Variants in MED23 observed in about 807,000 individuals in gnomAD.
MED23 encodes mediator complex subunit 23, also known as mediator of RNA polymerase II transcription subunit 23.
MED23 carries 105 observed loss-of-function variants against 163.9 expected under a neutral mutation model. The observed-to-expected ratio is 0.64, with a 90% CI of 0.55 to 0.75. The LOEUF is 0.75. MED23 is among the 30% of genes least tolerant of loss of function. MED23 has a pLI of 0.00. For synonymous variants in MED23, 561 were observed against 565.6 expected, an observed-to-expected ratio of 0.99 and a Z score of 0.12; for missense variants, 1,054 against 1,649.0, an observed-to-expected ratio of 0.64 and a Z score of 6.25.
chr6:131,610,871 T>G (rs978624165), intron 10 of MED23, among the ~76,000 whole-genome samples: 9 of 152,184 alleles, frequency 5.9e-5, no homozygotes, highest in Non-Finnish European at 8.8e-5. Flanking sequence ...TCTTCCTTCT[T>G]GGAAGCCAAA....
At chr6:131,600,232 G>A (rs973906308) in intron 17 of MED23, 70 bp from the exon 18 acceptor site, 59 of 1,415,446 alleles carry the variant, frequency 4.2e-5, no homozygotes, top group Middle Eastern at 2.1e-4. Context: ...AGATTATAGC[G>A]AAAATAATAA....
At chr6:131,605,531 C>T in intron 13 of MED23, 46 bp from the exon 14 acceptor site, 1 of 1,480,580 alleles carries the variant, frequency 6.8e-7, no homozygotes, top group Non-Finnish European at 9.0e-7. Flanking sequence ...AAATAACTTC[C>T]ATAATGTTAA....
intron 3 of MED23, chr6:131,627,135 A>T: frequency 2.4e-6 from 1 of 413,020 alleles, no homozygotes; most frequent in African/African-American, 2.1e-5. Flanking sequence ...AAATGATCTC[A>T]ATTAATCTAA....
At chr6:131,589,406 A>G (rs1472994498) in intron 28 of MED23, 59 bp downstream of exon 28, 9 of 1,490,090 alleles carry the variant, frequency 6.0e-6, no homozygotes, top group East Asian at 4.9e-5. Context: ...GTCTATTACT[A>G]TATGTTCAAG....
chr6:131,599,177 C>T (rs1005233299), intron 18 of MED23, among the ~76,000 whole-genome samples: 1 of 152,214 alleles, frequency 6.6e-6, no homozygotes, highest in East Asian at 1.9e-4. Context: ...CTGGGTCTTA[C>T]AAGAAATGCA....
chr6:131,586,213 T>C (rs1774170799), downstream of MED23, among the ~76,000 whole-genome samples: 2 of 151,982 alleles, frequency 1.3e-5, no homozygotes, highest in Non-Finnish European at 2.9e-5. Flanking sequence ...GCTAACACAG[T>C]GAAACCCCGT....
chr6:131,585,941 T>C (rs1774160446), downstream of MED23, among the ~76,000 whole-genome samples: 2 of 152,246 alleles, frequency 1.3e-5, no homozygotes, highest in African/African-American at 4.8e-5. Context: ...TATATTGATT[T>C]TCATTTCCTC....
downstream of MED23, among the ~76,000 whole-genome samples, chr6:131,586,372 C>G (rs1254755136): frequency 1.3e-5 from 2 of 151,190 alleles, no homozygotes; most frequent in Non-Finnish European, 2.9e-5. Flanking sequence ...TGCACTCCAG[C>G]CTGGGTGACA....
chr6:131,622,572 G>A (rs150782412), intron 5 of MED23, among the ~76,000 whole-genome samples: 25 of 152,224 alleles, frequency 1.6e-4, no homozygotes, highest in African/African-American at 5.5e-4. Flanking sequence ...TATGAACTAC[G>A]TAACCAAGCT....
chr6:131,627,329 G>GAAAAAAAAAAA (rs60163644), intron 3 of MED23, 67 bp downstream of exon 3: 10 of 875,032 alleles, frequency 1.1e-5, no homozygotes, highest in African/African-American at 5.9e-5. Context: ...AATGTTAAAA[G>GAAAAAAAAAAA]AAAAAAAAAA....
At chr6:131,618,593 T>C (rs1172865746) in intron 8 of MED23, 74 bp from the exon 9 acceptor site, 2 of 960,226 alleles carry the variant, frequency 2.1e-6, no homozygotes, top group Non-Finnish European at 3.3e-6. Flanking sequence ...AAATATTTAA[T>C]GAACATATAT....
At position 131,604,329 on chromosome 6, in the gene MED23, A is replaced by G. The variant is rs1377517500; in HGVS notation, c.1614-9T>C. 2.5e-6 allele frequency: 4 copies of G among 1,612,968 alleles called. No individual in the cohort carries two copies. Among genetic ancestry groups the G allele is most frequent in the East Asian group, 4.5e-5 (2 of 44,872 alleles). On this transcript the variant is annotated splice_polypyrimidine_tract_variant and intron_variant, in intron 14 of 28. Transcript: ENST00000368068. ...CAATGCTGTGAATAAGGCTGAGGAG[A>G]AAAAAAGGGAAGAAAATAAAAATCC...
intron 12 of MED23, 118 bp downstream of exon 12, chr6:131,607,810 T>C: frequency 1.8e-6 from 2 of 1,142,498 alleles, no homozygotes; most frequent in Non-Finnish European, 2.6e-6. Flanking sequence ...CACTTAACAT[T>C]CAATTGTGAT....
Position 131,594,237 on chromosome 6 carries a change from C to G in MED23, c.3094G>C (p.Gly1032Arg). The change falls in exon 23 of 29, where the codon GGC (glycine) becomes CGC (arginine). Residue 1032 changes from glycine (G) to arginine (R), a missense_variant. This residue lies in a region of MED23 where 362 missense variants were observed against 471.6 expected (regional missense o/e 0.77). Coordinates refer to ENST00000368068, the MANE Select transcript of MED23 (RefSeq NM_004830.4). Reference protein sequence around the residue: ...LKRKLVHAIIGSLKDNRPQGW... With the variant: ...LKRKLVHAIIRSLKDNRPQGW... ...TGCGGTCGATTATCCTTCAGAGAGC[C>G]AATGATCGCATGGACGAGTTTTCGT... The G allele has an allele frequency of 1.9e-6, 3 of 1,614,108 alleles. No individual in the cohort carries two copies. The highest frequency in any genetic ancestry group is 2.5e-6 in the Non-Finnish European group (3 of 1,180,016).
intron 30 of MED23, chr6:131,581,515 A>G: frequency 9.3e-7 from 1 of 1,076,942 alleles, no homozygotes; most frequent in South Asian, 1.4e-5. Flanking sequence ...CCAATAAGCA[A>G]AGGGTTGGTT....
chr6:131,581,374 G>A (rs1773916416), intron 30 of MED23: 1 of 1,612,470 alleles, frequency 6.2e-7, no homozygotes, highest in African/African-American at 1.3e-5. Context: ...GAACTAAAAG[G>A]AAAGGTAAAA....
chr6:131,603,336 C>T, intron 15 of MED23, 132 bp from the exon 16 acceptor site: 1 of 846,238 alleles, frequency 1.2e-6, no homozygotes, highest in South Asian at 1.5e-5. Flanking sequence ...CATATATATT[C>T]TCCATATTTT....
At chr6:131,624,761 C>T (rs2114780900) in intron 4 of MED23, 104 bp downstream of exon 4, 2 of 1,298,732 alleles carry the variant, frequency 1.5e-6, no homozygotes, top group Non-Finnish European at 2.2e-6. Flanking sequence ...TAAACCTCAC[C>T]TTCTTCTTCA....
In MED23 at chr6:131,627,485, T is replaced by TA. The variant is rs769837151; in HGVS notation, c.72-3dup. ...TCTTCAGGAGTATCCATAAACATGC[T>TA]AAAAAAATAAAAATTACATTATTTG... On this transcript the variant is annotated splice_region_variant and splice_polypyrimidine_tract_variant and intron_variant, in intron 2 of 28. Coordinates refer to ENST00000368068, the MANE Select transcript of MED23 (RefSeq NM_004830.4). 7 of 1,610,606 alleles carry TA rather than the reference T, an allele frequency of 4.3e-6. No homozygotes were observed. In the Middle Eastern group the frequency reaches 1.2e-3, roughly 266 times the overall value.
Sources: gnomAD v4.1 joint callset for allele counts (sites outside exome capture counted in the v4.1 genomes callset) on GRCh38, gnomAD v4.1.1 for gene constraint, gnomAD v4.1.1 regional missense constraint, MANE v1.5 for transcripts, NCBI Gene and HGNC (gene_info 2026-07-23, HGNC 2026-07-21) for gene names.